Variants in MANEA observed in about 807,000 individuals in gnomAD.
The protein encoded by MANEA is glycoprotein endo-alpha-1,2-mannosidase.
In MANEA, 25 loss-of-function variants were observed where a neutral mutation model predicts 36.8. The observed-to-expected ratio is 0.68, with a 90% CI of 0.50 to 0.95. MANEA has a LOEUF of 0.95. MANEA is among the 40% of genes least tolerant of loss of function. The probability of loss-of-function intolerance (pLI) is 0.00; values close to 1 mark genes in which losing one functional copy is unlikely to be tolerated. For missense variants in MANEA, 565 were observed against 558.8 expected (o/e 1.01, Z -0.11); for synonymous variants, 198 against 188.5 (o/e 1.05, Z -0.41).
At chr6:95,583,888 A>G (rs1769231267) in intron 1 of MANEA, among the ~76,000 whole-genome samples, 1 of 152,244 alleles carries the variant, frequency 6.6e-6, no homozygotes, top group African/African-American at 2.4e-5. Context: ...TAGCTGTTAA[A>G]GAAATATACT....
At chr6:95,578,068 G>C (rs1769104974) in intron 1 of MANEA, among the ~76,000 whole-genome samples, 1 of 152,128 alleles carries the variant, frequency 6.6e-6, no homozygotes, top group South Asian at 2.1e-4. Flanking sequence ...TGAGCCGACC[G>C]GGAGAGTAGA....
chr6:95,598,673 A>G (rs931865124), intron 3 of MANEA, among the ~76,000 whole-genome samples: 1 of 152,204 alleles, frequency 6.6e-6, no homozygotes, highest in Non-Finnish European at 1.5e-5. Flanking sequence ...AGGGAACTGC[A>G]AAGTTATGAA....
chr6:95,583,110 G>T (rs1769212658), intron 1 of MANEA, among the ~76,000 whole-genome samples: 1 of 152,086 alleles, frequency 6.6e-6, no homozygotes, highest in Non-Finnish European at 1.5e-5. Flanking sequence ...CATTTTGTCA[G>T]TATGTATATA....
chr6:95,597,112 G>A (rs571119943), intron 3 of MANEA, among the ~76,000 whole-genome samples: 13 of 151,968 alleles, frequency 8.6e-5, no homozygotes, highest in African/African-American at 3.1e-4. Flanking sequence ...TAATATAGTA[G>A]TGAAGATTTA....
intron 2 of MANEA, among the ~76,000 whole-genome samples, chr6:95,589,725 C>T (rs2127940536): frequency 6.6e-6 from 1 of 152,028 alleles, no homozygotes; most frequent in East Asian, 1.9e-4. Flanking sequence ...ATACAGTTTA[C>T]TAAAACTTTA....
At chr6:95,587,482 C>T (rs1259687816) in intron 2 of MANEA, 1 of 157,778 alleles carries the variant, frequency 6.3e-6, no homozygotes, top group Non-Finnish European at 1.4e-5. Flanking sequence ...TGATTTCTAT[C>T]ACTGGAGAAT....
In MANEA at chr6:95,606,302, C is replaced by T; in HGVS notation, c.1286C>T (p.Pro429Leu). 1 of 1,612,430 alleles carries T rather than the reference C, an allele frequency of 6.2e-7. No individual in the cohort carries two copies. The highest frequency in any genetic ancestry group is 8.5e-7 in the Non-Finnish European group (1 of 1,179,832). ...AATACAGTGTACCTAGATTACCGTC[C>T]TCATAAACCAGGTCTTTACCTAGAA... Reference protein sequence around the residue: ...TSNTVYLDYRPHKPGLYLELT... With the variant: ...TSNTVYLDYRLHKPGLYLELT... Residue 429 changes from proline (P) to leucine (L), a missense_variant, in exon 5 of 5, where the codon CCT becomes CTT. By Grantham distance (98) the Pro-to-Leu change is moderately conservative (BLOSUM62 -3). Transcript: ENST00000358812.
intron 3 of MANEA, among the ~76,000 whole-genome samples, chr6:95,600,979 C>T (rs932413902): frequency 2.0e-5 from 3 of 152,112 alleles, no homozygotes; most frequent in Admixed American, 6.5e-5. Flanking sequence ...TATAAACAAA[C>T]ATGCAAGAAA....
rs952745220 is a variant in MANEA at position 95,582,415 on chromosome 6, C to A, written c.-38-3987C>A. On this transcript the variant is annotated intron_variant, in intron 1 of 4. Transcript: ENST00000358812. ...AGGCAGGATGGTCTTGATCTCCTGA[C>A]CTCGTGATCTGCCTGCCTCAGCCTC... 2.0e-5 allele frequency among the ~76,000 whole-genome samples: 3 copies of A among 151,928 alleles called. No homozygotes were observed. In the East Asian group the frequency reaches 5.8e-4, roughly 29 times the overall value.
intron 3 of MANEA, among the ~76,000 whole-genome samples, chr6:95,599,234 AG>A (rs1336156304): frequency 2.0e-5 from 3 of 152,118 alleles, no homozygotes; most frequent in South Asian, 2.1e-4. Context: ...AGCTTGATAA[AG>A]GGTGTCTCTT....
Position 95,589,373 on chromosome 6 carries a change from CCTT to C in MANEA, c.544+2394_544+2396del, listed in dbSNP as rs112192740. ...CATATTTTTCCTTTGATATAAATGG[CCTT>C]CTTTTTATCTTAAGTTGAATTGCTG... On this transcript the variant is annotated intron_variant, in intron 2 of 4. Transcript: ENST00000358812. Among the ~76,000 whole-genome samples, 74 of 152,112 alleles carry C rather than the reference CCTT, an allele frequency of 4.9e-4. 1 individual carries two copies. Among genetic ancestry groups the C allele is most frequent in the Middle Eastern group, 3.4e-3 (1 of 294 alleles).
chr6:95,580,239 C>G (rs1455831015), intron 1 of MANEA, among the ~76,000 whole-genome samples: 1 of 152,074 alleles, frequency 6.6e-6, no homozygotes, highest in Non-Finnish European at 1.5e-5. Context: ...TATACACACA[C>G]ACTGCCTGAA....
At chr6:95,592,963 C>G (rs1769410610) in intron 2 of MANEA, among the ~76,000 whole-genome samples, 1 of 152,074 alleles carries the variant, frequency 6.6e-6, no homozygotes, top group Non-Finnish European at 1.5e-5. Context: ...ATTGAAGGTC[C>G]TGTAATAAGT....
At chr6:95,605,662 A>T in intron 4 of MANEA, 86 bp from the exon 5 acceptor site, 469 of 806,288 alleles carry the variant, frequency 5.8e-4, no homozygotes, top group Non-Finnish European at 8.9e-4. Flanking sequence ...AACTGCACTG[A>T]CTCCTTCATT....
chr6:95,579,767 T>A (rs1769144952), intron 1 of MANEA, among the ~76,000 whole-genome samples: 1 of 152,126 alleles, frequency 6.6e-6, no homozygotes, highest in Admixed American at 6.5e-5. Context: ...TTATTAGACA[T>A]CACTAAGCTT....
intron 2 of MANEA, among the ~76,000 whole-genome samples, chr6:95,588,659 C>A (rs777944031): frequency 6.6e-6 from 1 of 151,824 alleles, no homozygotes; most frequent in African/African-American, 2.4e-5. Context: ...GCTAAAAAAA[C>A]TATGCTAGAT....
intron 3 of MANEA, among the ~76,000 whole-genome samples, chr6:95,597,880 A>G (rs1769509728): frequency 1.3e-5 from 2 of 152,122 alleles, no homozygotes; most frequent in Non-Finnish European, 2.9e-5. Flanking sequence ...TTTGGGGAAA[A>G]AACAATAGGC....
chr6:95,597,736 A>G (rs540605486), intron 3 of MANEA, among the ~76,000 whole-genome samples: 2 of 152,170 alleles, frequency 1.3e-5, no homozygotes, highest in Admixed American at 6.5e-5. Flanking sequence ...TGCATTATCA[A>G]TACCAATGGG....
intron 2 of MANEA, among the ~76,000 whole-genome samples, chr6:95,588,952 A>T (rs77444889): frequency 0.04 from 6,147 of 152,028 alleles, 127 homozygotes; most frequent in Non-Finnish European, 0.051. Flanking sequence ...ATAATATTTT[A>T]GTATTGTATC....
Sources: allele counts gnomAD v4.1 joint callset (sites outside exome capture counted in the v4.1 genomes callset), GRCh38; gene constraint gnomAD v4.1.1; transcripts MANE v1.5; gene names NCBI Gene and HGNC (gene_info 2026-07-23, HGNC 2026-07-21).